LAMA2: variants seen among roughly 807,000 people sequenced by gnomAD.
LAMA2 encodes the protein laminin subunit alpha-2.
LAMA2 carries 269 observed loss-of-function variants against 364.8 expected under a neutral mutation model. The observed-to-expected ratio is 0.74, with a 90% confidence interval of 0.67 to 0.82. The LOEUF (loss-of-function observed/expected upper bound fraction) is 0.82, where lower values mean the gene tolerates loss of function less well. Ranked by LOEUF, LAMA2 falls within the 40% of genes least tolerant of loss-of-function variation. The pLI is 0.00. For missense variants in LAMA2, 3,807 were observed against 3,873.2 expected (o/e 0.98, Z 0.45); for synonymous variants, 1,379 against 1,370.6 (o/e 1.01, Z -0.14).
intron 34 of LAMA2, among the ~76,000 whole-genome samples, chr6:129,373,424 T>C (rs1778197640): frequency 6.6e-6 from 1 of 152,206 alleles, no homozygotes. Flanking sequence ...TGTTAACATC[T>C]TACATTAGCA....
chr6:129,318,320 A>C (rs1349476106), intron 27 of LAMA2, among the ~76,000 whole-genome samples: 2 of 152,188 alleles, frequency 1.3e-5, no homozygotes, highest in Non-Finnish European at 2.9e-5. Flanking sequence ...AATTTAAGGA[A>C]ATAGCAACTT....
intron 1 of LAMA2, among the ~76,000 whole-genome samples, chr6:129,009,185 G>A (rs1455982646): frequency 1.3e-5 from 2 of 152,082 alleles, no homozygotes; most frequent in African/African-American, 4.8e-5. Flanking sequence ...TAGTCAAACT[G>A]AGGATCAGTA....
chr6:129,372,850 G>C lies in LAMA2; in HGVS notation c.4959+2860G>C, dbSNP rs571798541. The stretch of plus-strand genomic sequence containing the variant: ...TGGATTTTGTCATTCTAATAAGTGT[G>C]TATGGTATCTCATTCTTGTTTTAGT... On this transcript the variant is annotated intron_variant, in intron 34 of 64. Coordinates refer to ENST00000421865, the MANE Select transcript of LAMA2 (RefSeq NM_000426.4). Among the ~76,000 whole-genome samples the C allele has an allele frequency of 3.9e-5, 6 of 152,270 alleles. No individual in the cohort carries two copies. In the East Asian group the frequency reaches 1.2e-3, roughly 29 times the overall value.
At chr6:129,033,642 G>A (rs1786395879) in intron 1 of LAMA2, among the ~76,000 whole-genome samples, 1 of 152,046 alleles carries the variant, frequency 6.6e-6, no homozygotes, top group Non-Finnish European at 1.5e-5. Flanking sequence ...ACTTGAAACT[G>A]TTTTGCACTT....
At chr6:129,062,377 A>T (rs1291983341) in intron 3 of LAMA2, among the ~76,000 whole-genome samples, 1 of 152,148 alleles carries the variant, frequency 6.6e-6, no homozygotes, top group Admixed American at 6.5e-5. Context: ...ACCCAAATAC[A>T]CTATCTTTTC....
chr6:129,353,607 A>G (rs550576286), intron 32 of LAMA2, among the ~76,000 whole-genome samples: 20 of 152,132 alleles, frequency 1.3e-4, no homozygotes, highest in Non-Finnish European at 2.8e-4. Context: ...AAGACCTACA[A>G]TGAAGCTCCT....
At position 129,037,805 on chromosome 6, in the gene LAMA2, A is replaced by G. The variant is rs537808333; in HGVS notation, c.113-12113A>G. 7.0e-3 allele frequency among the ~76,000 whole-genome samples: 1,059 copies of G among 151,750 alleles called. 6 individuals carry two copies. The highest frequency in any genetic ancestry group is 9.8e-3 in the Non-Finnish European group (663 of 67,930). On this transcript the variant is annotated intron_variant, in intron 1 of 64. Transcript: ENST00000421865. ...CCGCCTCAGCCTCCCGAGTAGCTGCAACTACAGGTGCTTGCCACCACACCT... is the reference window on the plus strand; with the variant it reads ...CCGCCTCAGCCTCCCGAGTAGCTGCGACTACAGGTGCTTGCCACCACACCT...
At chr6:129,334,151 T>A (rs1242349511) in intron 29 of LAMA2, among the ~76,000 whole-genome samples, 1 of 152,226 alleles carries the variant, frequency 6.6e-6, no homozygotes, top group Non-Finnish European at 1.5e-5. Context: ...TGAAGCATAC[T>A]GATTTCTCTT....
chr6:129,049,982 A>G lies in LAMA2; in HGVS notation c.177A>G (p.Gly59=). The G allele has an allele frequency of 6.2e-7, 1 of 1,613,970 alleles. No individual in the cohort carries two copies. The highest frequency in any genetic ancestry group is 8.5e-7 in the Non-Finnish European group (1 of 1,179,884). The change falls in exon 2 of 65, where the codon GGA becomes GGG. Residue 59 remains glycine, a synonymous_variant. Transcript: ENST00000421865. ...NALITTNATC[G]EKGPEMYCKL... ...TTATCACGACCAATGCAACATGTGG[A>G]GAAAAAGGACCTGAAATGTACTGCA...
At chr6:129,148,305 A>G (rs1479526962) in intron 6 of LAMA2, among the ~76,000 whole-genome samples, 1 of 152,136 alleles carries the variant, frequency 6.6e-6, no homozygotes, top group Admixed American at 6.6e-5. Flanking sequence ...CTAAACAATG[A>G]GAACACATGG....
At chr6:129,222,459 G>A (rs552684006) in intron 12 of LAMA2, among the ~76,000 whole-genome samples, 10 of 151,078 alleles carry the variant, frequency 6.6e-5, no homozygotes, top group East Asian at 3.9e-4. Context: ...CGTTATTTAC[G>A]TTAGGTATAT....
intron 47 of LAMA2, among the ~76,000 whole-genome samples, chr6:129,455,543 A>G (rs979364020): frequency 2.6e-5 from 4 of 152,224 alleles, no homozygotes; most frequent in African/African-American, 7.2e-5. Flanking sequence ...AGATTACCAA[A>G]GTGAGACAGC....
chr6:129,478,449 G>A (rs1221894103), intron 53 of LAMA2, among the ~76,000 whole-genome samples: 1 of 152,112 alleles, frequency 6.6e-6, no homozygotes, highest in African/African-American at 2.4e-5. Context: ...TAAATGCTGT[G>A]GGTGAGATTA....
chr6:128,953,956 C>T (rs191921299), intron 1 of LAMA2, among the ~76,000 whole-genome samples: 7 of 152,196 alleles, frequency 4.6e-5, no homozygotes, highest in Admixed American at 3.9e-4. Context: ...TTTTCTTAAT[C>T]TTCAAAAAGT....
intron 37 of LAMA2, among the ~76,000 whole-genome samples, chr6:129,400,747 C>G (rs1404474826): frequency 6.6e-6 from 1 of 152,144 alleles, no homozygotes; most frequent in Non-Finnish European, 1.5e-5. Context: ...GATGGTTTCT[C>G]TATTTCTTAA....
intron 35 of LAMA2, among the ~76,000 whole-genome samples, chr6:129,387,250 C>T (rs1779067865): frequency 6.6e-6 from 1 of 151,958 alleles, no homozygotes; most frequent in African/African-American, 2.4e-5. Context: ...TGGTTTGCTG[C>T]ACCTATCAAC....
intron 5 of LAMA2, 133 bp downstream of exon 5, chr6:129,144,213 A>C (rs1778297815): frequency 3.8e-6 from 2 of 522,534 alleles, no homozygotes; most frequent in Non-Finnish European, 6.5e-6. Flanking sequence ...AGAATTGTAG[A>C]TTATTATTAT....
At chr6:129,224,673 G>A (rs7754894) in intron 12 of LAMA2, among the ~76,000 whole-genome samples, 20,164 of 152,032 alleles carry the variant, frequency 0.13, 3,326 homozygotes, top group African/African-American at 0.39. Flanking sequence ...CTTGCATCCC[G>A]TGGATGAAGC....
At chr6:129,505,502 GTTTA>G (rs373440027) in intron 61 of LAMA2, 147 bp downstream of exon 61, 9 of 694,174 alleles carry the variant, frequency 1.3e-5, no homozygotes, top group East Asian at 2.7e-5. Context: ...AGGGTTTGTT[GTTTA>G]TTTGTTTGTT....
Sources: gnomAD v4.1 joint callset for allele counts (sites outside exome capture counted in the v4.1 genomes callset) on GRCh38, gnomAD v4.1.1 for gene constraint, MANE v1.5 for transcripts, NCBI Gene and HGNC (gene_info 2026-07-23, HGNC 2026-07-21) for gene names.